The following ZBTB21 variants were observed in gnomAD, a reference collection of about 807,000 sequenced individuals.
The protein encoded by ZBTB21 is zinc finger and BTB domain containing 21.
In ZBTB21, 10 loss-of-function variants were observed where a neutral mutation model predicts 39.8. The observed-to-expected ratio is 0.25, with a 90% CI of 0.16 to 0.43. The LOEUF is 0.43. Among genes scored for constraint, ZBTB21 ranks in the 20% least tolerant of loss-of-function variants. The pLI is 1.00. For missense variants in ZBTB21, 1,221 were observed against 1,296.3 expected (o/e 0.94, Z 0.89); for synonymous variants, 551 against 498.8 (o/e 1.10, Z -1.40).
Position 41,990,184 on chromosome 21 carries a change from G to A in ZBTB21, c.*711C>T, listed in dbSNP as rs1348000845. 6.6e-6 allele frequency: 1 copy of A among 152,494 alleles called. No individual in the cohort carries two copies. Among genetic ancestry groups the A allele is most frequent in the East Asian group, 1.9e-4 (1 of 5,200 alleles). The allele number at this position is 152,494 out of a possible 1,614,324, so 9.4% of individuals were successfully genotyped here. A position where few individuals can be genotyped will look rare whatever the true frequency, so the allele number is the denominator to read the frequency against. On this transcript the variant is annotated 3_prime_UTR_variant, in exon 3 of 3. Transcript: ENST00000310826. The stretch of plus-strand genomic sequence containing the variant: ...AAGCCCTTATAAACTGACTGTAGGG[G>A]ACTTCCATAAATTGTTTTCATTTCC...
At chr21:42,001,074 T>C (rs1025568467) in intron 2 of ZBTB21, among the ~76,000 whole-genome samples, 1 of 152,206 alleles carries the variant, frequency 6.6e-6, no homozygotes, top group African/African-American at 2.4e-5. Context: ...GTAGGTACTA[T>C]TATTATCCCC....
Position 41,992,779 on chromosome 21 carries a change from G to C in ZBTB21, c.1317C>G (p.Asp439Glu). The change falls in exon 3 of 3, where the codon GAC (aspartate) becomes GAG (glutamate). Residue 439 changes from aspartate to glutamate, a missense_variant. Physicochemically the swap from Asp to Glu is conservative, Grantham distance 45 (BLOSUM62 2). This residue lies in a region of ZBTB21 where 500 missense variants were observed against 465.6 expected (regional missense o/e 1.07). Transcript: ENST00000310826. This position sits in a 1 kb window ranked among gnomAD's most constrained non-coding sequence, Gnocchi z 4.1. ...CAGTGACGCGGATGATGTCCGAGGG[G>C]TCCGACAGCGGGCTGCTGGGCTCAG... ...IKTEPSSPLS[D>E]PSDIIRVTVG... 6.2e-7 allele frequency: 1 copy of C among 1,614,072 alleles called. No homozygotes were observed. Among genetic ancestry groups the C allele is most frequent in the Non-Finnish European group, 8.5e-7 (1 of 1,180,040 alleles).
At chr21:42,002,156 G>A (rs1290696964) in intron 2 of ZBTB21, among the ~76,000 whole-genome samples, 1 of 152,200 alleles carries the variant, frequency 6.6e-6, no homozygotes, top group Non-Finnish European at 1.5e-5. Flanking sequence ...TAGATGTCTA[G>A]ATAGGAGACA....
In ZBTB21 at chr21:41,993,931, A is replaced by G. The variant is rs770705641; in HGVS notation, c.165T>C (p.Phe55=). ...KNVLAASSEY[F]QSLFTNKENE... ...TTTCCTTATTTGTGAATAAACTCTG[A>G]AAGTATTCGCTGCTGGCAGCCAAGA... Residue 55 remains phenylalanine, a synonymous_variant, in exon 3 of 3, where the codon TTT becomes TTC. Coordinates refer to ENST00000310826, the MANE Select transcript of ZBTB21 (RefSeq NM_001098402.2). The G allele has an allele frequency of 1.1e-5, 18 of 1,614,252 alleles. 1 individual carries two copies. In the South Asian group the frequency reaches 1.6e-4, roughly 15 times the overall value.
chr21:41,993,525 C>A lies in ZBTB21; in HGVS notation c.571G>T (p.Val191Phe), dbSNP rs1350172268. The part of the protein sequence containing the change: ...AVKANTNKPH[V>F]PKPIEPLHNL... ...TGAAGTGGTTCTATTGGTTTTGGGA[C>A]ATGTGGCTTATTGGTATTGGCCTTG... Residue 191 changes from valine (V) to phenylalanine (F), a missense_variant, in exon 3 of 3, where the codon GTC becomes TTC. By Grantham distance (50) the Val-to-Phe change is conservative. Transcript: ENST00000310826. The A allele has an allele frequency of 6.2e-7, 1 of 1,614,192 alleles. No individual in the cohort carries two copies. The highest frequency in any genetic ancestry group is 1.1e-5 in the South Asian group (1 of 91,076).
At position 41,992,280 on chromosome 21, in the gene ZBTB21, G is replaced by C. The variant is rs751551584; in HGVS notation, c.1816C>G (p.Pro606Ala). The C allele has an allele frequency of 6.2e-7, 1 of 1,614,036 alleles. No individual in the cohort carries two copies. Among genetic ancestry groups the C allele is most frequent in the East Asian group, 2.2e-5 (1 of 44,882 alleles). The change falls in exon 3 of 3, where the codon CCA (proline) becomes GCA (alanine). Residue 606 changes from proline to alanine, a missense_variant. Pro to Ala is a conservative substitution (Grantham distance 27). Coordinates refer to ENST00000310826, the MANE Select transcript of ZBTB21 (RefSeq NM_001098402.2). This position sits in a 1 kb window ranked among gnomAD's most constrained non-coding sequence, Gnocchi z 4.1. ...AAAACAGCATGTGAACTAGAGGCTG[G>C]TGATGGGTTCTTCACTATGCCGTGT... ...TQHGIVKNPS[P>A]ASSSHAVLDE...
chr21:41,991,656 A>C lies in ZBTB21; in HGVS notation c.2440T>G (p.Leu814Val). Residue 814 changes from leucine to valine, a missense_variant, in exon 3 of 3, where the codon TTG becomes GTG. Physicochemically the swap from Leu to Val is conservative, Grantham distance 32. Around this residue, in one of 4 missense-constraint regions of ZBTB21, gnomAD observed 523 missense variants for 542.5 expected, o/e 0.96. Coordinates refer to ENST00000310826, the MANE Select transcript of ZBTB21 (RefSeq NM_001098402.2). This position sits in a 1 kb window ranked among gnomAD's most constrained non-coding sequence, Gnocchi z 4.9. ...APTENFSLPV[L>V]DHNGDVTGSS... is the part of the protein sequence containing the mutation. ...CCAGTCACATCACCATTGTGGTCCA[A>C]AACGGGCAAAGAAAAGTTTTCGGTG... 6.2e-7 allele frequency: 1 copy of C among 1,614,142 alleles called. No homozygotes were observed. The highest frequency in any genetic ancestry group is 8.5e-7 in the Non-Finnish European group (1 of 1,180,010).
chr21:41,990,756 G>C lies in ZBTB21; in HGVS notation c.*139C>G, dbSNP rs2065638676. The C allele has an allele frequency of 1.0e-5, 8 of 791,156 alleles. No individual in the cohort carries two copies. Among genetic ancestry groups the C allele is most frequent in the South Asian group, 3.9e-5 (1 of 25,896 alleles). 49.0% of individuals were successfully genotyped at this position (791,156 alleles called of 1,614,324 possible). On this transcript the variant is annotated 3_prime_UTR_variant, in exon 3 of 3. Transcript: ENST00000310826. ...GACATTACTAAGTAATTATCAATTT[G>C]CCTCCAACTTAATTTCAAGCGTAAC...
intron 2 of ZBTB21, 38 bp from the exon 3 acceptor site, chr21:41,994,146 G>A (rs1246762700): frequency 1.3e-6 from 2 of 1,515,494 alleles, no homozygotes; most frequent in Non-Finnish European, 1.8e-6. Flanking sequence ...AGATATTGCA[G>A]TGAAAAGTTC....
Position 41,991,446 on chromosome 21 carries a change from C to T in ZBTB21, c.2650G>A (p.Glu884Lys). ...LKIQVKEEPV[E>K]EAEEEAPEAS... ...TCGGGTGCCTCTTCTTCAGCCTCCT[C>T]CACAGGCTCCTCTTTGACTTGGATT... Residue 884 changes from glutamate (E) to lysine (K), a missense_variant, in exon 3 of 3, where the codon GAG (glutamate) becomes AAG (lysine). Physicochemically the swap from Glu to Lys is moderately conservative, Grantham distance 56. Around this residue, in one of 4 missense-constraint regions of ZBTB21, gnomAD observed 523 missense variants for 542.5 expected, o/e 0.96. Coordinates refer to ENST00000310826, the MANE Select transcript of ZBTB21 (RefSeq NM_001098402.2). The surrounding 1 kb of genome is among the most constrained non-coding windows in gnomAD (Gnocchi z 4.9). 1 of 1,613,980 alleles carries T rather than the reference C, an allele frequency of 6.2e-7. No individual in the cohort carries two copies. The highest frequency in any genetic ancestry group is 8.5e-7 in the Non-Finnish European group (1 of 1,179,930).
chr21:41,987,195 TTC>T lies in ZBTB21; in HGVS notation c.*3698_*3699del, dbSNP rs775255427. On this transcript the variant is annotated 3_prime_UTR_variant, in exon 3 of 3. Transcript: ENST00000310826. ...CATTAACAAATGAAAGAGCACTGAA[TTC>T]TGTTATTTTAAAGATTTACAGTAAA... 2.0e-5 allele frequency: 3 copies of T among 152,218 alleles called. No individual in the cohort carries two copies. The highest frequency in any genetic ancestry group is 4.4e-5 in the Non-Finnish European group (3 of 68,038). 9.4% of individuals were successfully genotyped at this position (152,218 alleles called of 1,614,324 possible).
At position 41,994,109 on chromosome 21, in the gene ZBTB21, C is replaced by T; in HGVS notation, c.-13-1G>A. 6.4e-7 allele frequency: 1 copy of T among 1,550,486 alleles called. No individual in the cohort carries two copies. Reference sequence around the variant, plus strand: ...TAATCCCTCCATGGCTTGAGTTTATCTAAAAGACAAAATGTAAAATTACTA... The same window carrying T: ...TAATCCCTCCATGGCTTGAGTTTATTTAAAAGACAAAATGTAAAATTACTA... On this transcript the variant is annotated splice_acceptor_variant, in intron 2 of 2. Coordinates refer to ENST00000310826, the MANE Select transcript of ZBTB21 (RefSeq NM_001098402.2). LOFTEE classifies it low-confidence loss of function (5UTR_SPLICE).
rs775875635 is a variant in ZBTB21, at chr21:41,993,820, T to G, written c.276A>C (p.Leu92=). 1.2e-6 allele frequency: 2 copies of G among 1,614,178 alleles called. No homozygotes were observed. The highest frequency in any genetic ancestry group is 4.5e-5 in the East Asian group (2 of 44,894). ...NVLNYIYSSS[L]FVEKSSLAAV... is the part of the protein sequence containing the mutation. ...CAGCAAGGCTGCTCTTCTCAACAAA[T>G]AGAGAGGAAGAATAAATGTAGTTTA... The change falls in exon 3 of 3, where the codon CTA becomes CTC. Residue 92 remains leucine, a synonymous_variant. Coordinates refer to ENST00000310826, the MANE Select transcript of ZBTB21 (RefSeq NM_001098402.2).
At chr21:41,999,918 A>G (rs1426392942) in intron 2 of ZBTB21, among the ~76,000 whole-genome samples, 1 of 152,232 alleles carries the variant, frequency 6.6e-6, no homozygotes, top group Non-Finnish European at 1.5e-5. Context: ...TTCTGAGCAG[A>G]GGAATGACAA....
chr21:41,987,495 C>T lies in ZBTB21; in HGVS notation c.*3400G>A, dbSNP rs888192168. 2 of 152,176 alleles carry T rather than the reference C, an allele frequency of 1.3e-5. No homozygotes were observed. Among genetic ancestry groups the T allele is most frequent in the African/African-American group, 4.8e-5 (2 of 41,450 alleles). 9.4% of individuals were successfully genotyped at this position (152,176 alleles called of 1,614,324 possible). A position where few individuals can be genotyped will look rare whatever the true frequency, so the allele number is the denominator to read the frequency against. ...AAGTTTAGTAGTCAGTGTTAAAGAA[C>T]ACTTTTAAAGAGTACGTGTCAGCAT... On this transcript the variant is annotated 3_prime_UTR_variant, in exon 3 of 3. Coordinates refer to ENST00000310826, the MANE Select transcript of ZBTB21 (RefSeq NM_001098402.2).
chr21:41,992,532 C>T lies in ZBTB21; in HGVS notation c.1564G>A (p.Ala522Thr), dbSNP rs769463187. 8.7e-6 allele frequency: 14 copies of T among 1,614,214 alleles called. No homozygotes were observed. The South Asian group carries it at 1.5e-4, about 18-fold the overall frequency. ...TTCAAATCAGAATCTGGAAAATCTG[C>T]ATCAAGGAGAGTAGGGCTTGAGCCT... ...EEGSSPTLLD[A>T]DFPDSDLNKD... The change falls in exon 3 of 3, where the codon GCA becomes ACA. Residue 522 changes from alanine to threonine, a missense_variant. By Grantham distance (58) the Ala-to-Thr change is moderately conservative. Transcript: ENST00000310826. This position sits in a 1 kb window ranked among gnomAD's most constrained non-coding sequence, Gnocchi z 4.1.
chr21:42,003,622 C>T (rs1469352003), intron 1 of ZBTB21, among the ~76,000 whole-genome samples: 2 of 152,136 alleles, frequency 1.3e-5, no homozygotes, highest in South Asian at 4.1e-4. Context: ...CGACATGATG[C>T]ACAAAGGAAA....
intron 2 of ZBTB21, among the ~76,000 whole-genome samples, chr21:41,998,203 T>C (rs1402961083): frequency 6.6e-6 from 1 of 151,624 alleles, no homozygotes; most frequent in Non-Finnish European, 1.5e-5. Context: ...TTTTTTTTTT[T>C]TTTTTCTAGA....
intron 1 of ZBTB21, chr21:42,009,350 G>C (rs1256767787): frequency 6.6e-6 from 1 of 152,286 alleles, no homozygotes; most frequent in Non-Finnish European, 1.5e-5. Context: ...GAGCCGCTGA[G>C]GATGGACTAC....
Sources: allele counts gnomAD v4.1 joint callset (sites outside exome capture counted in the v4.1 genomes callset), GRCh38; gene constraint gnomAD v4.1.1; regional missense constraint gnomAD v4.1.1; non-coding constraint Gnocchi (gnomAD v3.1); transcripts MANE v1.5; gene names NCBI Gene and HGNC (gene_info 2026-07-23, HGNC 2026-07-21).